CSNK1D: variants seen among roughly 807,000 people sequenced by gnomAD.
CSNK1D encodes casein kinase 1 delta, also known as casein kinase I isoform delta.
A neutral mutation model predicts 46.6 loss-of-function variants in CSNK1D; 16 were observed. The observed-to-expected ratio is 0.34, with a 90% CI of 0.23 to 0.52. The LOEUF is 0.52. Among genes scored for constraint, CSNK1D ranks in the 20% least tolerant of loss-of-function variants. CSNK1D has a pLI of 0.95. For synonymous variants in CSNK1D, 276 were observed against 228.2 expected (o/e 1.21, Z -1.89); for missense variants, 398 against 578.4 (o/e 0.69, Z 3.20).
Position 82,252,345 on chromosome 17 carries a change from C to A in CSNK1D, c.736+89G>T. 6.6e-7 allele frequency: 1 copy of A among 1,512,146 alleles called. No homozygotes were observed. Among genetic ancestry groups the A allele is most frequent in the Non-Finnish European group, 9.2e-7 (1 of 1,089,266 alleles). The allele number at this position is 1,512,146 out of a possible 1,614,324, so 93.7% of individuals were successfully genotyped here. On this transcript the variant is annotated intron_variant, in intron 5 of 8. Coordinates refer to ENST00000314028, the MANE Select transcript of CSNK1D (RefSeq NM_001893.6). This position sits in a 1 kb window ranked among gnomAD's most constrained non-coding sequence, Gnocchi z 4.6. ...TTTGGAAGGTGAGCAACTCTTCTGA[C>A]AAAACCCAGACTGAGCCGTCTCGGC...
Position 82,251,651 on chromosome 17 carries a change from C to A in CSNK1D, c.737-124G>T. On this transcript the variant is annotated intron_variant, in intron 5 of 8. Coordinates refer to ENST00000314028, the MANE Select transcript of CSNK1D (RefSeq NM_001893.6). The surrounding 1 kb of genome is among the most constrained non-coding windows in gnomAD (Gnocchi z 4.5). ...AGGGGAGAAGGACAGATGCAAAACACCTGTCAGATTTCTAAGACCTGAAGC... is the reference window on the plus strand; with the variant it reads ...AGGGGAGAAGGACAGATGCAAAACAACTGTCAGATTTCTAAGACCTGAAGC... 1 of 978,748 alleles carries A rather than the reference C, an allele frequency of 1.0e-6. No individual in the cohort carries two copies. The highest frequency in any genetic ancestry group is 1.4e-5 in the South Asian group (1 of 72,760). The allele number at this position is 978,748 out of a possible 1,614,324, so 60.6% of individuals were successfully genotyped here. A position where few individuals can be genotyped will look rare whatever the true frequency, so the allele number is the denominator to read the frequency against.
chr17:82,249,453 G>A lies in CSNK1D; in HGVS notation c.1035C>T (p.Pro345=). 1 of 1,539,486 alleles carries A rather than the reference G, an allele frequency of 6.5e-7. No homozygotes were observed. Among genetic ancestry groups the A allele is most frequent in the East Asian group, 2.4e-5 (1 of 40,898 alleles). ...RGTQEVAPPT[P]LTPTSHTANT... The stretch of plus-strand genomic sequence containing the variant: ...CACCCGTGTGTGAGGTAGGGGTGAG[G>A]GGTGTGGGGGGAGCCACTTCCTGCG... The change falls in exon 7 of 9, where the codon CCC becomes CCT. Residue 345 remains proline (P), a synonymous_variant. Transcript: ENST00000314028. The surrounding 1 kb of genome is among the most constrained non-coding windows in gnomAD (Gnocchi z 6.7).
intron 2 of CSNK1D, among the ~76,000 whole-genome samples, chr17:82,263,184 CAAAAACA>C (rs754222527): frequency 9.9e-5 from 15 of 152,146 alleles, no homozygotes; most frequent in South Asian, 8.3e-4. Context: ...TGTCTCCAAA[CAAAAACA>C]AAAAACAAAA....
At position 82,245,314 on chromosome 17, in the gene CSNK1D, G is replaced by C. The variant is rs370837934; in HGVS notation, c.1198-483C>G. The C allele has an allele frequency of 3.9e-4, 113 of 287,110 alleles. 1 individual carries two copies. In the East Asian group the frequency reaches 8.1e-3, roughly 20 times the overall value. The allele number at this position is 287,110 out of a possible 1,614,324, so 17.8% of individuals were successfully genotyped here. Reference sequence around the variant, plus strand: ...GCCGCCGAGCGCGCGTGGCCGCCGAGGAGGGAGCACAGCGTGGACGCCGGC... The same window carrying C: ...GCCGCCGAGCGCGCGTGGCCGCCGACGAGGGAGCACAGCGTGGACGCCGGC... On this transcript the variant is annotated intron_variant, in intron 8 of 8. Transcript: ENST00000314028.
Position 82,243,509 on chromosome 17 carries a change from G to C in CSNK1D, c.*1272C>G, listed in dbSNP as rs943975558. ...ACGGAGGCCACCTGCCTTCTGGTGG[G>C]ACTCGGCCCCACGCACGCTGCTTCA... is the stretch of plus-strand genomic sequence containing the variant. On this transcript the variant is annotated 3_prime_UTR_variant, in exon 9 of 9. Transcript: ENST00000314028. 1.2e-5 allele frequency: 12 copies of C among 985,394 alleles called. No homozygotes were observed. The South Asian group carries it at 5.6e-4, about 46-fold the overall frequency. The allele number at this position is 985,394 out of a possible 1,614,324, so 61.0% of individuals were successfully genotyped here.
chr17:82,257,348 A>G (rs933707628), intron 2 of CSNK1D, among the ~76,000 whole-genome samples: 1 of 152,200 alleles, frequency 6.6e-6, no homozygotes, highest in African/African-American at 2.4e-5. Flanking sequence ...ATGAATATGA[A>G]TGCCTTAATC....
At position 82,273,282 on chromosome 17, in the gene CSNK1D, C is replaced by CGGGCGGGGG. The variant is rs1567824270; in HGVS notation, c.76+15_76+23dup. ...CCGCAGGGCCCGGGTCTTCGGGCGGCGGGCGGGGGCGGCGGGGCCTCACCG... is the reference window on the plus strand; with the variant it reads ...CCGCAGGGCCCGGGTCTTCGGGCGGCGGGCGGGGGGGGCGGGGGCGGCGGGGCCTCACCG... On this transcript the variant is annotated intron_variant, in intron 1 of 8. Coordinates refer to ENST00000314028, the MANE Select transcript of CSNK1D (RefSeq NM_001893.6). This position sits in a 1 kb window ranked among gnomAD's most constrained non-coding sequence, Gnocchi z 5.1. The CGGGCGGGGG allele has an allele frequency of 6.3e-7, 1 of 1,593,460 alleles. No individual in the cohort carries two copies. Among genetic ancestry groups the CGGGCGGGGG allele is most frequent in the South Asian group, 1.1e-5 (1 of 89,796 alleles).
intron 8 of CSNK1D, chr17:82,247,797 C>T: frequency 3.0e-6 from 3 of 985,414 alleles, no homozygotes; most frequent in Non-Finnish European, 3.6e-6. Flanking sequence ...GTCAAAATAA[C>T]CACGAAGCCA....
At chr17:82,268,091 G>A (rs139252809) in intron 1 of CSNK1D, among the ~76,000 whole-genome samples, 6 of 152,192 alleles carry the variant, frequency 3.9e-5, no homozygotes, top group Non-Finnish European at 5.9e-5. Context: ...CTGTGGAACC[G>A]ACACCAAGGT....
Position 82,249,357 on chromosome 17 carries a change from T to C in CSNK1D, c.1057+74A>G, listed in dbSNP as rs1599581833. ...TTAGTGTCCACCACCAAGTACCCTG[T>C]TGTCCCCACCAACCCCAAGACACAA... On this transcript the variant is annotated intron_variant, in intron 7 of 8. Transcript: ENST00000314028. This position sits in a 1 kb window ranked among gnomAD's most constrained non-coding sequence, Gnocchi z 6.7. 53 of 1,417,652 alleles carry C rather than the reference T, an allele frequency of 3.7e-5. No individual in the cohort carries two copies. The East Asian group carries it at 1.3e-3, about 34-fold the overall frequency. 87.8% of individuals were successfully genotyped at this position (1,417,652 alleles called of 1,614,324 possible). A position where few individuals can be genotyped will look rare whatever the true frequency, so the allele number is the denominator to read the frequency against.
chr17:82,246,102 G>T, intron 8 of CSNK1D: 1 of 1,564,246 alleles, frequency 6.4e-7, no homozygotes, highest in South Asian at 1.2e-5. Context: ...ACCTGTGTCG[G>T]CTCCATGTCC....
At chr17:82,239,702 C>T (rs993177440), downstream of CSNK1D, 2 of 359,020 alleles carry the variant, frequency 5.6e-6, no homozygotes, top group African/African-American at 4.2e-5. Context: ...CAGGGAGCCC[C>T]TACGTGGTGG....
At position 82,252,356 on chromosome 17, in the gene CSNK1D, C is replaced by T; in HGVS notation, c.736+78G>A. The T allele has an allele frequency of 6.5e-7, 1 of 1,548,052 alleles. No homozygotes were observed. The highest frequency in any genetic ancestry group is 8.9e-7 in the Non-Finnish European group (1 of 1,121,472). On this transcript the variant is annotated intron_variant, in intron 5 of 8. Coordinates refer to ENST00000314028, the MANE Select transcript of CSNK1D (RefSeq NM_001893.6). This position sits in a 1 kb window ranked among gnomAD's most constrained non-coding sequence, Gnocchi z 4.6. ...AGCAACTCTTCTGACAAAACCCAGA[C>T]TGAGCCGTCTCGGCACACCCGACAC... is the stretch of plus-strand genomic sequence containing the variant.
chr17:82,254,560 C>T (rs1374084090), intron 3 of CSNK1D: 2 of 147,032 alleles, frequency 1.4e-5, no homozygotes, highest in Non-Finnish European at 2.5e-5. Context: ...GCCGGAGCCT[C>T]GAGACGCCAG....
chr17:82,265,715 C>T lies in CSNK1D; in HGVS notation c.158G>A (p.Ser53Asn). The T allele has an allele frequency of 6.2e-7, 1 of 1,614,156 alleles. No homozygotes were observed. The highest frequency in any genetic ancestry group is 8.5e-7 in the Non-Finnish European group (1 of 1,179,974). Reference sequence around the variant, plus strand: ...TCCCTGCATCATCTTGTAGATTTTGCTCTCAATGTGGAGCTGAGGGTGTTT... The same window carrying T: ...TCCCTGCATCATCTTGTAGATTTTGTTCTCAATGTGGAGCTGAGGGTGTTT... ...KTKHPQLHIESKIYKMMQGGV... is the reference protein window; with the variant it reads ...KTKHPQLHIENKIYKMMQGGV... Residue 53 changes from serine (S) to asparagine (N), a missense_variant, in exon 2 of 9, where the codon AGC becomes AAC. Around this residue, in one of 2 missense-constraint regions of CSNK1D, gnomAD observed 217 missense variants for 370.3 expected, o/e 0.59. Transcript: ENST00000314028.
At position 82,251,340 on chromosome 17, in the gene CSNK1D, C is replaced by T. The variant is rs1200337746; in HGVS notation, c.885+39G>A. 1.2e-6 allele frequency: 2 copies of T among 1,613,386 alleles called. No individual in the cohort carries two copies. The highest frequency in any genetic ancestry group is 3.3e-5 in the Admixed American group (2 of 59,964). On this transcript the variant is annotated intron_variant, in intron 6 of 8. Transcript: ENST00000314028. This position sits in a 1 kb window ranked among gnomAD's most constrained non-coding sequence, Gnocchi z 4.5. ...CCTCTCACTGACAAGCCATCCCCCG[C>T]ACACCACACTCAGCGAACGTGCTGG...
rs905098591 is a variant in CSNK1D, at chr17:82,244,671, C to T, written c.*110G>A. The T allele has an allele frequency of 2.5e-5, 39 of 1,582,654 alleles. No homozygotes were observed. The East Asian group carries it at 3.2e-4, about 13-fold the overall frequency. On this transcript the variant is annotated 3_prime_UTR_variant, in exon 9 of 9. Coordinates refer to ENST00000314028, the MANE Select transcript of CSNK1D (RefSeq NM_001893.6). ...CTGGGTGAGTGGCCTGGAGAGCTCCCGGTGTTAACATTTCGATCCTAGACC... is the reference window on the plus strand; with the variant it reads ...CTGGGTGAGTGGCCTGGAGAGCTCCTGGTGTTAACATTTCGATCCTAGACC...
intron 1 of CSNK1D, 132 bp from the exon 2 acceptor site, chr17:82,265,928 T>G: frequency 2.5e-6 from 2 of 797,972 alleles, no homozygotes; most frequent in South Asian, 2.7e-5. Context: ...CTTCCTAGCA[T>G]AGTAAGGCGG....
chr17:82,259,528 C>T (rs538163556), intron 2 of CSNK1D, among the ~76,000 whole-genome samples: 3 of 152,296 alleles, frequency 2.0e-5, no homozygotes, highest in African/African-American at 7.2e-5. Flanking sequence ...AATATGCAGA[C>T]GTCTGCGTTA....
Sources: gnomAD v4.1 joint callset for allele counts (sites outside exome capture counted in the v4.1 genomes callset) on GRCh38, gnomAD v4.1.1 for gene constraint, gnomAD v4.1.1 regional missense constraint, Gnocchi (gnomAD v3.1) non-coding constraint, MANE v1.5 for transcripts, NCBI Gene and HGNC (gene_info 2026-07-23, HGNC 2026-07-21) for gene names.